MGAT4C: variants seen among roughly 807,000 people sequenced by gnomAD.
The protein encoded by MGAT4C is alpha-1,3-mannosyl-glycoprotein 4-beta-N-acetylglucosaminyltransferase C.
Under a neutral mutation model 40.1 loss-of-function variants are expected in MGAT4C, and 19 were observed. That is an observed-to-expected ratio of 0.47 (90% confidence interval 0.33 to 0.70). The LOEUF (loss-of-function observed/expected upper bound fraction) is 0.70. MGAT4C is among the 30% of genes least tolerant of loss of function. MGAT4C has a pLI of 0.02. For synonymous variants in MGAT4C, 181 were observed against 187.1 expected (o/e 0.97, Z 0.27); for missense variants, 491 against 563.2 (o/e 0.87, Z 1.30).
chr12:86,264,892 G>A (rs1952748098), intron 4 of MGAT4C, among the ~76,000 whole-genome samples: 1 of 152,176 alleles, frequency 6.6e-6, no homozygotes, highest in Non-Finnish European at 1.5e-5. Flanking sequence ...GACACATCAG[G>A]CCCCTGCCGC....
chr12:85,998,766 C>T (rs1003977373), intron 2 of MGAT4C, among the ~76,000 whole-genome samples: 3 of 152,252 alleles, frequency 2.0e-5, no homozygotes, highest in Admixed American at 2.0e-4. Context: ...TGGGCAAAGC[C>T]ATTCAACAAG....
chr12:86,814,197 T>C (rs1182609634), intron 1 of MGAT4C, among the ~76,000 whole-genome samples: 4 of 151,260 alleles, frequency 2.6e-5, no homozygotes, highest in Non-Finnish European at 5.9e-5. Context: ...CTTTTGCAAA[T>C]TATTTATTTT....
intron 1 of MGAT4C, among the ~76,000 whole-genome samples, chr12:86,769,254 G>A (rs1401522512): frequency 3.9e-5 from 6 of 152,078 alleles, no homozygotes; most frequent in African/African-American, 7.2e-5. Context: ...GCAGCCAAAA[G>A]ACACATGAAA....
At chr12:86,817,345 T>C (rs922629811) in intron 1 of MGAT4C, among the ~76,000 whole-genome samples, 8 of 151,522 alleles carry the variant, frequency 5.3e-5, no homozygotes, top group Non-Finnish European at 8.9e-5. Context: ...TTTTGTATTG[T>C]TTTTACATTG....
intron 2 of MGAT4C, among the ~76,000 whole-genome samples, chr12:86,029,531 A>G (rs1890547390): frequency 6.6e-6 from 1 of 151,980 alleles, no homozygotes; most frequent in Non-Finnish European, 1.5e-5. Context: ...CCTTAGTCAC[A>G]ATTTCCTGCC....
intron 3 of MGAT4C, among the ~76,000 whole-genome samples, chr12:86,339,754 A>G (rs1212688533): frequency 6.6e-6 from 1 of 152,066 alleles, no homozygotes; most frequent in East Asian, 1.9e-4. Context: ...ACACACACAA[A>G]GACACACAGA....
At chr12:86,128,963 C>G (rs950109004) in intron 1 of MGAT4C, among the ~76,000 whole-genome samples, 3 of 151,954 alleles carry the variant, frequency 2.0e-5, no homozygotes, top group Non-Finnish European at 4.4e-5. Flanking sequence ...TTTGCTTTGT[C>G]GAAGATCAGT....
At chr12:86,601,610 A>T (rs1023548918) in intron 2 of MGAT4C, among the ~76,000 whole-genome samples, 1 of 151,684 alleles carries the variant, frequency 6.6e-6, no homozygotes, top group African/African-American at 2.4e-5. Context: ...GGAACTCAGG[A>T]CCCCCAGACT....
chr12:86,079,481 G>A (rs1870415078), intron 1 of MGAT4C, among the ~76,000 whole-genome samples: 1 of 152,164 alleles, frequency 6.6e-6, no homozygotes, highest in Admixed American at 6.5e-5. Context: ...CAAACTGTGA[G>A]TCCAGAATGG....
intron 3 of MGAT4C, among the ~76,000 whole-genome samples, chr12:86,393,198 G>C (rs1317430106): frequency 6.6e-6 from 1 of 152,028 alleles, no homozygotes; most frequent in Non-Finnish European, 1.5e-5. Flanking sequence ...ATAAATGAAT[G>C]CTATTATTTA....
At chr12:86,367,576 G>T (rs2136208325) in intron 3 of MGAT4C, among the ~76,000 whole-genome samples, 2 of 152,242 alleles carry the variant, frequency 1.3e-5, no homozygotes. Flanking sequence ...GAGGTGGGTG[G>T]ATCACAAGGT....
chr12:86,449,164 T>C (rs1298361424), intron 2 of MGAT4C, among the ~76,000 whole-genome samples: 1 of 152,124 alleles, frequency 6.6e-6, no homozygotes, highest in Admixed American at 6.6e-5. Context: ...ATAAGTAAAA[T>C]AATAATTGAG....
intron 1 of MGAT4C, among the ~76,000 whole-genome samples, chr12:86,784,346 T>C (rs2136186840): frequency 6.6e-6 from 1 of 152,222 alleles, no homozygotes; most frequent in East Asian, 1.9e-4. Context: ...CACCAAAACA[T>C]TCATTCCTTC....
intron 2 of MGAT4C, among the ~76,000 whole-genome samples, chr12:86,018,007 A>G (rs1364678076): frequency 2.0e-5 from 3 of 152,156 alleles, no homozygotes; most frequent in Non-Finnish European, 4.4e-5. Context: ...GAATTATTAC[A>G]CTGTAGAGTG....
chr12:86,708,171 G>C (rs2136626876), intron 2 of MGAT4C, among the ~76,000 whole-genome samples: 1 of 152,336 alleles, frequency 6.6e-6, no homozygotes, highest in East Asian at 1.9e-4. Flanking sequence ...GCTGTTTGCA[G>C]TCTAGGGACT....
intron 1 of MGAT4C, among the ~76,000 whole-genome samples, chr12:86,805,344 G>A (rs1446950231): frequency 1.3e-5 from 2 of 151,740 alleles, no homozygotes; most frequent in African/African-American, 2.4e-5. Flanking sequence ...TATATGATAG[G>A]TATTCAACCC....
rs1213407708 is a variant in MGAT4C, at chr12:85,958,676, C to T, written c.*20613G>A. 1 of 151,968 alleles carries T rather than the reference C, an allele frequency of 6.6e-6. No homozygotes were observed. Among genetic ancestry groups the T allele is most frequent in the African/African-American group, 2.4e-5 (1 of 41,398 alleles). 9.4% of individuals were successfully genotyped at this position (151,968 alleles called of 1,614,324 possible). A position where few individuals can be genotyped will look rare whatever the true frequency, so the allele number is the denominator to read the frequency against. On this transcript the variant is annotated 3_prime_UTR_variant, in exon 5 of 5. Transcript: ENST00000611864. ...AATTAATCTTTGACAAATTCACTTA[C>T]AACTAGCAATTTTAAAGACTTAAAG... is the stretch of plus-strand genomic sequence containing the variant.
chr12:86,834,126 CTCTA>C (rs754648037), intron 1 of MGAT4C, among the ~76,000 whole-genome samples: 23 of 151,572 alleles, frequency 1.5e-4, no homozygotes, highest in South Asian at 1.5e-3. Context: ...ATATATCTAT[CTCTA>C]TCTGTCTATA....
intron 1 of MGAT4C, among the ~76,000 whole-genome samples, chr12:86,212,321 G>A (rs1247292210): frequency 6.6e-6 from 1 of 151,986 alleles, no homozygotes; most frequent in African/African-American, 2.4e-5. Flanking sequence ...TTTTATCACA[G>A]GTTTTGGACG....
Sources: allele counts gnomAD v4.1 joint callset (sites outside exome capture counted in the v4.1 genomes callset), GRCh38; gene constraint gnomAD v4.1.1; transcripts MANE v1.5; gene names NCBI Gene and HGNC (gene_info 2026-07-23, HGNC 2026-07-21).